CFAP97D2: variants seen among roughly 807,000 people sequenced by gnomAD.
CFAP97D2 encodes uncharacterized protein CFAP97D2.
intron 1 of CFAP97D2, among the ~76,000 whole-genome samples, chr13:114,180,165 T>C (rs992455542): frequency 3.9e-5 from 6 of 152,252 alleles, no homozygotes; most frequent in African/African-American, 1.2e-4. Context: ...GTATCATGTC[T>C]CCACATGTGT....
At chr13:114,221,410 T>C (rs1056243407) in intron 4 of CFAP97D2, among the ~76,000 whole-genome samples, 1 of 152,264 alleles carries the variant, frequency 6.6e-6, no homozygotes, top group African/African-American at 2.4e-5. Context: ...TTCAGAAAGA[T>C]GTTTAACAAC....
chr13:114,200,476 T>C (rs1365228957), intron 3 of CFAP97D2, 33 bp downstream of exon 3: 6 of 398,320 alleles, frequency 1.5e-5, no homozygotes, highest in Non-Finnish European at 2.2e-5. Flanking sequence ...CCCACCCGGC[T>C]CAGCACCAAA....
chr13:114,221,030 C>T (rs901215474), intron 4 of CFAP97D2, among the ~76,000 whole-genome samples: 7 of 152,232 alleles, frequency 4.6e-5, no homozygotes, highest in Non-Finnish European at 8.8e-5. Flanking sequence ...AGGCGGATCA[C>T]GATTTCAGGA....
chr13:114,182,457 CTT>C (rs1265428935), intron 1 of CFAP97D2, among the ~76,000 whole-genome samples: 4 of 151,806 alleles, frequency 2.6e-5, no homozygotes, highest in Non-Finnish European at 5.9e-5. Flanking sequence ...AGGCCTTCCT[CTT>C]TTACTAATCC....
rs2081025101 is a variant in CFAP97D2 at position 114,222,196 on chromosome 13, G to A, written c.481-302G>A. Among the ~76,000 whole-genome samples, 1 of 152,188 alleles carries A rather than the reference G, an allele frequency of 6.6e-6. No homozygotes were observed. The highest frequency in any genetic ancestry group is 2.4e-5 in the African/African-American group (1 of 41,460). On this transcript the variant is annotated intron_variant, in intron 4 of 4. Coordinates refer to ENST00000646158, the Ensembl canonical transcript of CFAP97D2. The surrounding 1 kb of genome is among the most constrained non-coding windows in gnomAD (Gnocchi z 4.4). Reference sequence around the variant, plus strand: ...TAATCAGTGGTTGTCGGGGCTGGGGGAAGGGAAATTGGGGAGTGATCCCAA... The same window carrying A: ...TAATCAGTGGTTGTCGGGGCTGGGGAAAGGGAAATTGGGGAGTGATCCCAA...
Position 114,211,975 on chromosome 13 carries a change from G to A in CFAP97D2, c.354G>A (p.Trp118Ter). 1 of 398,760 alleles carries A rather than the reference G, an allele frequency of 2.5e-6. No homozygotes were observed. Among genetic ancestry groups the A allele is most frequent in the Non-Finnish European group, 4.4e-6 (1 of 226,158 alleles). 24.7% of individuals were successfully genotyped at this position (398,760 alleles called of 1,614,324 possible). A position where few individuals can be genotyped will look rare whatever the true frequency, so the allele number is the denominator to read the frequency against. The change falls in exon 4 of 5, where the codon TGG becomes TGA. Residue 118 changes from tryptophan (W) to a stop codon, truncating the protein, a stop_gained. Coordinates refer to ENST00000646158, the Ensembl canonical transcript of CFAP97D2. LOFTEE classifies it high-confidence loss of function. The surrounding 1 kb of genome is among the most constrained non-coding windows in gnomAD (Gnocchi z 4.2). ...TGCGGAAGAAAACACGGCCATTCTG[G>A]AAGGAATCACACACTCAGAACCATG...
intron 1 of CFAP97D2, among the ~76,000 whole-genome samples, chr13:114,181,983 T>G (rs75665367): frequency 0.055 from 8,395 of 151,980 alleles, 320 homozygotes; most frequent in Non-Finnish European, 0.081. Flanking sequence ...AGAAAAGAAA[T>G]AAGACACAGA....
intron 1 of CFAP97D2, among the ~76,000 whole-genome samples, chr13:114,194,269 A>C (rs1406519829): frequency 6.6e-6 from 1 of 152,230 alleles, no homozygotes; most frequent in Non-Finnish European, 1.5e-5. Context: ...CCTGCCAATA[A>C]AATGTCAAGA....
intron 4 of CFAP97D2, among the ~76,000 whole-genome samples, chr13:114,215,469 G>T (rs2080989188): frequency 6.6e-6 from 1 of 152,018 alleles, no homozygotes; most frequent in South Asian, 2.1e-4. Flanking sequence ...CACAGAAAGG[G>T]CTCTCTCAAG....
chr13:114,213,642 A>C (rs2080979880), intron 4 of CFAP97D2, among the ~76,000 whole-genome samples: 2 of 126,768 alleles, frequency 1.6e-5, no homozygotes, highest in African/African-American at 3.0e-5. Context: ...AAGCTCTAGG[A>C]CCACAGACCC....
chr13:114,188,412 A>G (rs1261975429), intron 1 of CFAP97D2, among the ~76,000 whole-genome samples: 2 of 152,228 alleles, frequency 1.3e-5, no homozygotes, highest in African/African-American at 4.8e-5. Context: ...AGGGAAATTT[A>G]GGGCATTGAA....
chr13:114,183,650 C>A (rs1009976111), intron 1 of CFAP97D2, among the ~76,000 whole-genome samples: 2 of 152,116 alleles, frequency 1.3e-5, no homozygotes, highest in African/African-American at 2.4e-5. Context: ...TGTGTCTTTA[C>A]ATGGCATAAG....
At chr13:114,182,237 A>G (rs187176397) in intron 1 of CFAP97D2, among the ~76,000 whole-genome samples, 2,234 of 151,114 alleles carry the variant, frequency 0.015, 84 homozygotes, top group African/African-American at 0.042. Context: ...ATGTGCACGT[A>G]GGCCAGATTT....
In CFAP97D2 at chr13:114,186,255, G is replaced by A. The variant is rs531932851; in HGVS notation, c.90+6835G>A. On this transcript the variant is annotated intron_variant, in intron 1 of 4. Coordinates refer to ENST00000646158, the Ensembl canonical transcript of CFAP97D2. The surrounding 1 kb of genome is among the most constrained non-coding windows in gnomAD (Gnocchi z 4.3). ...TCTCCTCTCTGCTGAGAGCTGAGACGTCAGGACAACCAGCTTCAGGGAGGA... is the reference window on the plus strand; with the variant it reads ...TCTCCTCTCTGCTGAGAGCTGAGACATCAGGACAACCAGCTTCAGGGAGGA... 1.9e-4 allele frequency among the ~76,000 whole-genome samples: 29 copies of A among 152,294 alleles called. No individual in the cohort carries two copies. The highest frequency in any genetic ancestry group is 1.2e-3 in the South Asian group (6 of 4,826).
chr13:114,191,022 A>G (rs1046254959), intron 1 of CFAP97D2, among the ~76,000 whole-genome samples: 1 of 152,224 alleles, frequency 6.6e-6, no homozygotes, highest in African/African-American at 2.4e-5. Flanking sequence ...CAGAACATCC[A>G]CATGGAAGAA....
intron 3 of CFAP97D2, among the ~76,000 whole-genome samples, chr13:114,209,558 G>A (rs779991922): frequency 2.6e-5 from 4 of 152,114 alleles, no homozygotes; most frequent in Admixed American, 6.5e-5. Flanking sequence ...TGGAGAGGAA[G>A]GTCCTGATGG....
At chr13:114,204,645 G>C (rs1037119354) in intron 3 of CFAP97D2, among the ~76,000 whole-genome samples, 1 of 152,070 alleles carries the variant, frequency 6.6e-6, no homozygotes, top group African/African-American at 2.4e-5. Flanking sequence ...GAATGAAGTT[G>C]GACTCTCACC....
chr13:114,188,725 C>T (rs1233193317), intron 1 of CFAP97D2, among the ~76,000 whole-genome samples: 2 of 144,724 alleles, frequency 1.4e-5, no homozygotes, highest in Admixed American at 7.1e-5. Flanking sequence ...TGCAGTGAGC[C>T]GAGATTGCGC....
intron 4 of CFAP97D2, among the ~76,000 whole-genome samples, chr13:114,218,706 C>A (rs1459316952): frequency 6.6e-6 from 1 of 152,034 alleles, no homozygotes; most frequent in African/African-American, 2.4e-5. Context: ...AGAACAGAGC[C>A]CTCAGAAACA....
Sources: allele counts gnomAD v4.1 joint callset (sites outside exome capture counted in the v4.1 genomes callset), GRCh38; gene constraint gnomAD v4.1.1; non-coding constraint Gnocchi (gnomAD v3.1); transcripts MANE v1.5; gene names NCBI Gene and HGNC (gene_info 2026-07-23, HGNC 2026-07-21).